The following PPP3CB variants were observed in gnomAD, a reference collection of about 807,000 sequenced individuals.
PPP3CB encodes serine/threonine-protein phosphatase 2B catalytic subunit beta isoform.
A neutral mutation model predicts 66.4 loss-of-function variants in PPP3CB; 8 were observed. The observed-to-expected ratio is 0.12, with a 90% confidence interval of 0.07 to 0.22. PPP3CB has a LOEUF of 0.22. Ranked by LOEUF, PPP3CB falls within the 10% of genes least tolerant of loss-of-function variation. The probability of loss-of-function intolerance (pLI) is 1.00; values close to 1 mark genes in which losing one functional copy is unlikely to be tolerated. For missense variants in PPP3CB, 319 were observed against 642.5 expected (o/e 0.50, Z 5.44); for synonymous variants, 208 against 221.2 (o/e 0.94, Z 0.53).
Position 73,478,642 on chromosome 10 carries a change from T to C in PPP3CB, c.287-19A>G. 6.3e-7 allele frequency: 1 copy of C among 1,597,202 alleles called. No individual in the cohort carries two copies. Among genetic ancestry groups the C allele is most frequent in the South Asian group, 1.1e-5 (1 of 87,748 alleles). On this transcript the variant is annotated intron_variant, in intron 2 of 13. Transcript: ENST00000360663. ...CCACACACTGAAACAAGAAGATTAT[T>C]AGATAAGGGAAAAAAATCTCTAAAA...
chr10:73,495,727 G>T, intron 1 of PPP3CB, 78 bp downstream of exon 1: 1 of 1,508,574 alleles, frequency 6.6e-7, no homozygotes. Context: ...GCCCACTCCC[G>T]AGGGGACGGT....
chr10:73,443,805 CTTTT>C (rs1416087805), intron 12 of PPP3CB: 1 of 152,160 alleles, frequency 6.6e-6, no homozygotes, highest in Non-Finnish European at 1.5e-5. Flanking sequence ...ACGTATAATT[CTTTT>C]TATTTTCATG....
chr10:73,474,773 T>C lies in PPP3CB; in HGVS notation c.523+146A>G, dbSNP rs1220381379. ...CTTAATACCATTAAACACCAGAGAG[T>C]GCTCGACAACTTTCCTCAAAGCTTT... is the stretch of plus-strand genomic sequence containing the variant. On this transcript the variant is annotated intron_variant, in intron 4 of 13. Transcript: ENST00000360663. The C allele has an allele frequency of 4.9e-6, 6 of 1,224,030 alleles. No homozygotes were observed. The East Asian group carries it at 8.2e-5, about 17-fold the overall frequency. The allele number at this position is 1,224,030 out of a possible 1,614,324, so 75.8% of individuals were successfully genotyped here. A position where few individuals can be genotyped will look rare whatever the true frequency, so the allele number is the denominator to read the frequency against.
At chr10:73,475,928 C>T (rs2056777365) in intron 3 of PPP3CB, among the ~76,000 whole-genome samples, 1 of 152,190 alleles carries the variant, frequency 6.6e-6, no homozygotes, top group Admixed American at 6.5e-5. Flanking sequence ...ACAATTACTG[C>T]TCACTGCAGC....
intron 1 of PPP3CB, among the ~76,000 whole-genome samples, chr10:73,482,542 C>CAAAAA (rs537336452): frequency 1.1e-4 from 4 of 36,724 alleles, no homozygotes; most frequent in Admixed American, 3.4e-4. Context: ...GACTCCGTCT[C>CAAAAA]AAAAAAAAAA....
At chr10:73,495,774 C>T in intron 1 of PPP3CB, 31 bp downstream of exon 1, 1 of 1,567,124 alleles carries the variant, frequency 6.4e-7, no homozygotes. Flanking sequence ...GCTCTTCAGG[C>T]CAGGCCCCCA....
chr10:73,491,827 C>G (rs145304189), intron 1 of PPP3CB, among the ~76,000 whole-genome samples: 1 of 151,892 alleles, frequency 6.6e-6, no homozygotes, highest in African/African-American at 2.4e-5. Flanking sequence ...ATTAGCCGGG[C>G]GTGGTGGCAC....
chr10:73,447,630 T>C (rs1040039905), intron 10 of PPP3CB, among the ~76,000 whole-genome samples: 5 of 152,148 alleles, frequency 3.3e-5, no homozygotes, highest in Non-Finnish European at 2.9e-5. Flanking sequence ...GAACATCTCA[T>C]TTAAAATTCA....
chr10:73,477,959 C>T (rs906166230), intron 3 of PPP3CB, among the ~76,000 whole-genome samples: 1 of 151,950 alleles, frequency 6.6e-6, no homozygotes, highest in African/African-American at 2.4e-5. Context: ...GAAAAGGAAC[C>T]ATCTACTGTT....
Position 73,495,828 on chromosome 10 carries a change from G to A in PPP3CB, c.62C>T (p.Pro21Leu). ...ACCTTTGACGACGCGGTCAGCCCCG[G>A]GAGGGGGCGGCGGGGGCGGGGGTGG... ...PPPPPPPPPP[P>L]GADRVVKAVP... The change falls in exon 1 of 14, where the codon CCC becomes CTC. Residue 21 changes from proline to leucine, a missense_variant. By Grantham distance (98) the Pro-to-Leu change is moderately conservative. Coordinates refer to ENST00000360663, the MANE Select transcript of PPP3CB (RefSeq NM_021132.4). 1.3e-6 allele frequency: 2 copies of A among 1,545,018 alleles called. No individual in the cohort carries two copies. Among genetic ancestry groups the A allele is most frequent in the South Asian group, 1.2e-5 (1 of 85,864 alleles).
intron 12 of PPP3CB, among the ~76,000 whole-genome samples, chr10:73,443,193 T>TCA (rs1253326763): frequency 7.0e-6 from 1 of 143,346 alleles, no homozygotes; most frequent in Non-Finnish European, 1.5e-5. Flanking sequence ...TCTGTCTCTC[T>TCA]CACACACACA....
At chr10:73,474,663 C>T (rs577454081) in intron 4 of PPP3CB, among the ~76,000 whole-genome samples, 69 of 151,940 alleles carry the variant, frequency 4.5e-4, no homozygotes, top group African/African-American at 1.4e-3. Context: ...TGGTCTCCAA[C>T]TCCTGAGCTC....
intron 9 of PPP3CB, among the ~76,000 whole-genome samples, chr10:73,456,469 A>T (rs968226932): frequency 2.0e-5 from 3 of 152,246 alleles, no homozygotes; most frequent in Admixed American, 6.5e-5. Context: ...AACAGAAGTT[A>T]AAAAAGTGAT....
At chr10:73,485,341 G>A (rs2056954180) in intron 1 of PPP3CB, among the ~76,000 whole-genome samples, 2 of 152,174 alleles carry the variant, frequency 1.3e-5, no homozygotes, top group African/African-American at 4.8e-5. Flanking sequence ...GGAAAAAGGG[G>A]GTGGTGGTAC....
At chr10:73,443,145 A>C (rs1338102227) in intron 12 of PPP3CB, among the ~76,000 whole-genome samples, 1 of 151,826 alleles carries the variant, frequency 6.6e-6, no homozygotes, top group East Asian at 1.9e-4. Context: ...GCTGCACTGC[A>C]CTCCAGCCTG....
At chr10:73,487,786 G>T (rs1248215851) in intron 1 of PPP3CB, among the ~76,000 whole-genome samples, 37 of 141,516 alleles carry the variant, frequency 2.6e-4, no homozygotes, top group East Asian at 6.2e-4. Flanking sequence ...GCAAGTTTTT[G>T]TTTTTTTTTT....
intron 13 of PPP3CB, among the ~76,000 whole-genome samples, chr10:73,439,274 T>A (rs1405097011): frequency 1.3e-5 from 2 of 152,156 alleles, no homozygotes; most frequent in Admixed American, 6.5e-5. Flanking sequence ...ACCAAACAAA[T>A]GGCTGGGGCT....
At chr10:73,480,242 A>C (rs2056852087) in intron 1 of PPP3CB, among the ~76,000 whole-genome samples, 1 of 151,918 alleles carries the variant, frequency 6.6e-6, no homozygotes, top group African/African-American at 2.4e-5. Flanking sequence ...TACCTTACTT[A>C]ACGTTTCACA....
chr10:73,481,448 G>C (rs1190758443), intron 1 of PPP3CB, among the ~76,000 whole-genome samples: 1 of 150,448 alleles, frequency 6.6e-6, no homozygotes, highest in Non-Finnish European at 1.5e-5. Flanking sequence ...ACTCCAGCCT[G>C]GTCGACAGTG....
Sources: allele counts gnomAD v4.1 joint callset (sites outside exome capture counted in the v4.1 genomes callset), GRCh38; gene constraint gnomAD v4.1.1; transcripts MANE v1.5; gene names NCBI Gene and HGNC (gene_info 2026-07-23, HGNC 2026-07-21).